The following CLNK variants were observed in gnomAD, a reference collection of about 807,000 sequenced individuals.
CLNK encodes the protein cytokine-dependent hematopoietic cell linker.
A neutral mutation model predicts 68.6 loss-of-function variants in CLNK; 74 were observed. That is an observed-to-expected ratio of 1.08 (90% CI 0.89 to 1.31). CLNK has a LOEUF of 1.31. Among genes scored for constraint, CLNK ranks in the 50% most tolerant of loss-of-function variants. CLNK has a pLI of 0.00. For missense variants in CLNK, 553 were observed against 515.3 expected (o/e 1.07, Z -0.71); for synonymous variants, 198 against 172.2 (o/e 1.15, Z -1.17).
At position 10,663,841 on chromosome 4, in the gene CLNK, C is replaced by T. The variant is rs148773619; in HGVS notation, c.11+4018G>A. Among the ~76,000 whole-genome samples the T allele has an allele frequency of 2.0e-3, 308 of 152,220 alleles. 1 individual carries two copies. The highest frequency in any genetic ancestry group is 6.5e-3 in the African/African-American group (268 of 41,532). On this transcript the variant is annotated intron_variant, in intron 2 of 18. Coordinates refer to ENST00000226951, the MANE Select transcript of CLNK (RefSeq NM_052964.4). ...CTGATTAGGCCAAGAGGGCAAAACT[C>T]CCGTGAAATGAGATTAGCACCCTTA...
At chr4:10,494,648 A>G (rs544989104) in intron 18 of CLNK, among the ~76,000 whole-genome samples, 29 of 152,196 alleles carry the variant, frequency 1.9e-4, no homozygotes, top group African/African-American at 6.0e-4. Flanking sequence ...TAGTAGAGAC[A>G]GGGTTTCATC....
Position 10,508,028 on chromosome 4 carries a change from C to G in CLNK, c.915G>C (p.Gln305His), listed in dbSNP as rs772267423. 1 of 1,609,448 alleles carries G rather than the reference C, an allele frequency of 6.2e-7. No individual in the cohort carries two copies. Among genetic ancestry groups the G allele is most frequent in the Admixed American group, 1.7e-5 (1 of 59,500 alleles). The change falls in exon 17 of 19, where the codon CAG becomes CAC. Residue 305 changes from glutamine to histidine, a missense_variant. By Grantham distance (24) the Gln-to-His change is conservative. Coordinates refer to ENST00000226951, the MANE Select transcript of CLNK (RefSeq NM_052964.4). ...FPKRSDRKDV[Q>H]HNEWYIGEYS... ...ATTCTCCAATGTACCATTCATTGTG[C>G]TGGACATCCTGCAGAACAGAATCAA...
the CLNK span, among the ~76,000 whole-genome samples, chr4:10,708,232 T>G: frequency 3.3e-5 from 5 of 152,278 alleles, no homozygotes; most frequent in Admixed American, 2.6e-4. Context: ...CATCCGAAAG[T>G]AGGAGTATAA....
intron 2 of CLNK, among the ~76,000 whole-genome samples, chr4:10,661,195 G>C (rs1027421488): frequency 6.6e-6 from 1 of 152,186 alleles, no homozygotes; most frequent in Non-Finnish European, 1.5e-5. Flanking sequence ...TAATGATCTG[G>C]AGTTTACATG....
chr4:10,713,636 G>A, the CLNK span, among the ~76,000 whole-genome samples: 2 of 152,178 alleles, frequency 1.3e-5, no homozygotes, highest in African/African-American at 4.8e-5. Flanking sequence ...GTGGGGCCTA[G>A]TGGGAGGTAT....
At chr4:10,669,814 G>A (rs893900116) in intron 1 of CLNK, among the ~76,000 whole-genome samples, 4 of 152,090 alleles carry the variant, frequency 2.6e-5, no homozygotes, top group African/African-American at 4.8e-5. Flanking sequence ...AAGGGGAGGC[G>A]GCTGTTAGGC....
Position 10,558,462 on chromosome 4 carries a change from A to T in CLNK, c.400-10T>A, listed in dbSNP as rs535701878. On this transcript the variant is annotated splice_polypyrimidine_tract_variant and intron_variant, in intron 7 of 18. Coordinates refer to ENST00000226951, the MANE Select transcript of CLNK (RefSeq NM_052964.4). ...AAATGGGTTTGTCCACCTGTACAAG[A>T]CAATGAGGCACCATTATCTCTTCAG... 6.2e-7 allele frequency: 1 copy of T among 1,612,842 alleles called. No individual in the cohort carries two copies. The highest frequency in any genetic ancestry group is 1.1e-5 in the South Asian group (1 of 91,026).
At chr4:10,618,214 C>T (rs554193792) in intron 2 of CLNK, among the ~76,000 whole-genome samples, 35 of 152,266 alleles carry the variant, frequency 2.3e-4, no homozygotes, top group African/African-American at 5.8e-4. Flanking sequence ...AACTGTTACA[C>T]GCGCTACATC....
chr4:10,646,295 C>T (rs966713755), intron 2 of CLNK, among the ~76,000 whole-genome samples: 5 of 152,052 alleles, frequency 3.3e-5, no homozygotes, highest in South Asian at 2.1e-4. Context: ...AACTTGAACG[C>T]TTCTTTTAAA....
At chr4:10,659,028 C>T (rs528008890) in intron 2 of CLNK, among the ~76,000 whole-genome samples, 2 of 152,082 alleles carry the variant, frequency 1.3e-5, no homozygotes, top group Non-Finnish European at 2.9e-5. Flanking sequence ...CATGGTGAAA[C>T]CCCGTGTCTA....
rs1239150486 is a variant in CLNK at position 10,494,440 on chromosome 4, T to G, written c.1141-3827A>C. ...TAGTAGGCAGCAAGACAGGTGCAAC[T>G]AGTCACACAGTATTTCCTATTTTTT... is the stretch of plus-strand genomic sequence containing the variant. On this transcript the variant is annotated intron_variant, in intron 18 of 18. Coordinates refer to ENST00000226951, the MANE Select transcript of CLNK (RefSeq NM_052964.4). Among the ~76,000 whole-genome samples, 4 of 151,768 alleles carry G rather than the reference T, an allele frequency of 2.6e-5. No individual in the cohort carries two copies. In the East Asian group the frequency reaches 7.7e-4, roughly 29 times the overall value.
chr4:10,637,133 G>A (rs903507147), intron 2 of CLNK, among the ~76,000 whole-genome samples: 1 of 152,160 alleles, frequency 6.6e-6, no homozygotes, highest in African/African-American at 2.4e-5. Flanking sequence ...GTTCTGTGAG[G>A]TTGCTCATCA....
At chr4:10,545,266 C>G (rs144700099) in intron 8 of CLNK, among the ~76,000 whole-genome samples, 1 of 152,058 alleles carries the variant, frequency 6.6e-6, no homozygotes, top group Non-Finnish European at 1.5e-5. Flanking sequence ...TTCCAAGATG[C>G]AATTGTGGGG....
intron 18 of CLNK, among the ~76,000 whole-genome samples, chr4:10,491,552 A>G (rs561152595): frequency 3.3e-5 from 5 of 152,310 alleles, no homozygotes; most frequent in African/African-American, 1.2e-4. Flanking sequence ...GTGTTTCTAG[A>G]TACACAGATA....
the CLNK span, among the ~76,000 whole-genome samples, chr4:10,733,521 G>A: frequency 1.3e-5 from 2 of 152,126 alleles, no homozygotes; most frequent in East Asian, 3.8e-4. Flanking sequence ...TCCAAGTTAG[G>A]TATTGAGAAA....
chr4:10,525,786 G>C, intron 14 of CLNK, 55 bp downstream of exon 14: 1 of 1,014,918 alleles, frequency 9.9e-7, no homozygotes, highest in Non-Finnish European at 1.5e-6. Context: ...ATCTGAGACA[G>C]CACATGGCCT....
intron 3 of CLNK, among the ~76,000 whole-genome samples, chr4:10,597,557 C>T (rs1721432773): frequency 6.6e-6 from 1 of 152,130 alleles, no homozygotes; most frequent in Non-Finnish European, 1.5e-5. Flanking sequence ...AATTGAAGGA[C>T]AAAGGAAATA....
At chr4:10,583,281 T>C (rs1195719082) in intron 4 of CLNK, among the ~76,000 whole-genome samples, 1 of 151,830 alleles carries the variant, frequency 6.6e-6, no homozygotes, top group Non-Finnish European at 1.5e-5. Flanking sequence ...CTCTCTCTCT[T>C]TTTTTTTCTT....
chr4:10,551,281 G>T (rs528466515), intron 8 of CLNK, among the ~76,000 whole-genome samples: 31 of 152,144 alleles, frequency 2.0e-4, no homozygotes, highest in Admixed American at 3.9e-4. Context: ...GTCTCGCTCC[G>T]TTGCCCACGC....
Sources: allele counts gnomAD v4.1 joint callset (sites outside exome capture counted in the v4.1 genomes callset), GRCh38; gene constraint gnomAD v4.1.1; transcripts MANE v1.5; gene names NCBI Gene and HGNC (gene_info 2026-07-23, HGNC 2026-07-21).